ALK: variants seen among roughly 807,000 people sequenced by gnomAD.
ALK encodes the protein ALK receptor tyrosine kinase.
ALK carries 74 observed loss-of-function variants against 163.1 expected under a neutral mutation model. The observed-to-expected ratio is 0.45, with a 90% confidence interval of 0.38 to 0.55. The LOEUF is 0.55. ALK is among the 20% of genes least tolerant of loss of function. The probability of loss-of-function intolerance (pLI) is 0.00; values close to 1 mark genes in which losing one functional copy is unlikely to be tolerated. For synonymous variants in ALK, 960 were observed against 843.2 expected (o/e 1.14, Z -2.40); for missense variants, 2,063 against 2,105.3 (o/e 0.98, Z 0.39).
chr2:29,571,106 A>G lies in ALK; in HGVS notation c.953-38990T>C, dbSNP rs149387520. On this transcript the variant is annotated intron_variant, in intron 3 of 28. Transcript: ENST00000389048. ...GAGATAGTGGAGGGGGCACCTTACCATGTGTTCTCTCTCCCTGTTTGTGAA... is the reference window on the plus strand; with the variant it reads ...GAGATAGTGGAGGGGGCACCTTACCGTGTGTTCTCTCTCCCTGTTTGTGAA... 7.8e-3 allele frequency among the ~76,000 whole-genome samples: 1,183 copies of G among 152,240 alleles called. 8 individuals carry two copies. Among genetic ancestry groups the G allele is most frequent in the African/African-American group, 0.027 (1,129 of 41,542 alleles).
chr2:29,279,022 C>T (rs1318592368), intron 9 of ALK, among the ~76,000 whole-genome samples: 2 of 152,028 alleles, frequency 1.3e-5, no homozygotes, highest in East Asian at 1.9e-4. Context: ...AATGGGTGCT[C>T]CCTGGGAAGC....
intron 1 of ALK, among the ~76,000 whole-genome samples, chr2:29,808,518 C>T (rs1664674285): frequency 6.6e-6 from 1 of 152,118 alleles, no homozygotes; most frequent in African/African-American, 2.4e-5. Flanking sequence ...ATTTTTCTTC[C>T]ATCAATTTCC....
At chr2:29,803,179 C>T (rs1664528591) in intron 1 of ALK, among the ~76,000 whole-genome samples, 1 of 152,108 alleles carries the variant, frequency 6.6e-6, no homozygotes, top group Admixed American at 6.5e-5. Context: ...CAAAAAGTGG[C>T]AATTTGGGCA....
intron 22 of ALK, 149 bp from the exon 23 acceptor site, chr2:29,220,984 G>C (rs1162386433): frequency 8.9e-7 from 1 of 1,120,576 alleles, no homozygotes; most frequent in Non-Finnish European, 1.3e-6. Flanking sequence ...GTCCCGGGCT[G>C]AGCCTAAACC....
At chr2:29,507,975 T>C (rs1190014147) in intron 4 of ALK, among the ~76,000 whole-genome samples, 8 of 152,202 alleles carry the variant, frequency 5.3e-5, no homozygotes, top group Non-Finnish European at 1.0e-4. Flanking sequence ...GTATGTTTTA[T>C]TGGACATTTC....
intron 3 of ALK, among the ~76,000 whole-genome samples, chr2:29,692,994 C>T (rs573284356): frequency 6.6e-6 from 1 of 152,274 alleles, no homozygotes; most frequent in South Asian, 2.1e-4. Flanking sequence ...TGAAAACATG[C>T]AAACCTAGTC....
chr2:29,441,396 C>T (rs897943516), intron 4 of ALK, among the ~76,000 whole-genome samples: 6 of 152,160 alleles, frequency 3.9e-5, no homozygotes, highest in Non-Finnish European at 7.4e-5. Context: ...GGGCAGGGCC[C>T]GCCCTGGCTG....
intron 3 of ALK, among the ~76,000 whole-genome samples, chr2:29,534,318 T>C (rs1465929228): frequency 6.6e-6 from 1 of 152,186 alleles, no homozygotes; most frequent in African/African-American, 2.4e-5. Flanking sequence ...TCGAAGTGTT[T>C]GCTATATTAC....
At chr2:29,613,425 A>C (rs1377620233) in intron 3 of ALK, among the ~76,000 whole-genome samples, 1 of 152,238 alleles carries the variant, frequency 6.6e-6, no homozygotes, top group East Asian at 1.9e-4. Context: ...TAAATTAGCT[A>C]ACATTTTCAG....
At chr2:29,657,011 C>T (rs1428637191) in intron 3 of ALK, among the ~76,000 whole-genome samples, 2 of 152,148 alleles carry the variant, frequency 1.3e-5, no homozygotes, top group African/African-American at 2.4e-5. Context: ...ACATAGAAAA[C>T]GGCATCAGTT....
intron 1 of ALK, among the ~76,000 whole-genome samples, chr2:29,750,130 T>C (rs1477940273): frequency 6.6e-6 from 1 of 152,208 alleles, no homozygotes; most frequent in Admixed American, 6.5e-5. Context: ...TAGTAATGCA[T>C]TGCTTAACGA....
At chr2:29,323,801 T>A (rs1176840914) in intron 6 of ALK, among the ~76,000 whole-genome samples, 1 of 152,234 alleles carries the variant, frequency 6.6e-6, no homozygotes, top group Non-Finnish European at 1.5e-5. Context: ...TATCAACTCA[T>A]CCTCTGATCA....
rs140980671 is a variant in ALK at position 29,206,569 on chromosome 2, G to C, written c.3938+602C>G. Among the ~76,000 whole-genome samples, 965 of 152,120 alleles carry C rather than the reference G, an allele frequency of 6.3e-3. 18 individuals are homozygous for C. Among genetic ancestry groups the C allele is most frequent in the African/African-American group, 0.023 (934 of 41,474 alleles). ...TTACAGGCATGAGCAACCGTGCCTGGCCTACACCCCTACTTTCAATTTCTG... is the reference window on the plus strand; with the variant it reads ...TTACAGGCATGAGCAACCGTGCCTGCCCTACACCCCTACTTTCAATTTCTG... On this transcript the variant is annotated intron_variant, in intron 26 of 28. Transcript: ENST00000389048.
intron 3 of ALK, among the ~76,000 whole-genome samples, chr2:29,589,115 C>A (rs143737258): frequency 6.6e-6 from 1 of 152,072 alleles, no homozygotes; most frequent in African/African-American, 2.4e-5. Flanking sequence ...ACCGAGCAAG[C>A]GATGATAGGT....
intron 9 of ALK, among the ~76,000 whole-genome samples, chr2:29,278,445 C>T (rs543105233): frequency 2.4e-4 from 37 of 152,220 alleles, no homozygotes; most frequent in Admixed American, 8.5e-4. Flanking sequence ...GAGGCAGAGG[C>T]AGGGGAGACA....
intron 1 of ALK, among the ~76,000 whole-genome samples, chr2:29,860,687 T>C (rs1034673312): frequency 6.6e-6 from 1 of 152,216 alleles, no homozygotes; most frequent in Non-Finnish European, 1.5e-5. Context: ...AGTATCTTTT[T>C]TGACCACAAT....
At chr2:29,507,184 T>A (rs1201478415) in intron 4 of ALK, among the ~76,000 whole-genome samples, 1 of 152,204 alleles carries the variant, frequency 6.6e-6, no homozygotes, top group Admixed American at 6.5e-5. Flanking sequence ...AATGGAATAT[T>A]ATTCAGCATT....
intron 3 of ALK, among the ~76,000 whole-genome samples, chr2:29,669,189 T>C (rs1290909193): frequency 2.6e-5 from 4 of 152,076 alleles, no homozygotes; most frequent in Admixed American, 2.6e-4. Context: ...TTACTAAAAG[T>C]GGGGTGTTAA....
At chr2:29,919,920 G>A in intron 1 of ALK, 73 bp downstream of exon 1, 1 of 1,550,788 alleles carries the variant, frequency 6.4e-7, no homozygotes, top group East Asian at 2.3e-5. Flanking sequence ...TGGAAGTGAA[G>A]ATTATTTAAT....
Sources: allele counts gnomAD v4.1 joint callset (sites outside exome capture counted in the v4.1 genomes callset), GRCh38; gene constraint gnomAD v4.1.1; transcripts MANE v1.5; gene names NCBI Gene and HGNC (gene_info 2026-07-23, HGNC 2026-07-21).